AUTS2: variants seen among roughly 807,000 people sequenced by gnomAD.
AUTS2 encodes autism susceptibility gene 2 protein.
Under a neutral mutation model 112.4 loss-of-function variants are expected in AUTS2, and 17 were observed. The ratio of observed to expected loss-of-function variants is 0.15; its 90% CI spans 0.10 to 0.23. AUTS2 has a LOEUF of 0.23. AUTS2 is among the 10% of genes least tolerant of loss of function. The pLI is 1.00. For missense variants in AUTS2, 1,510 were observed against 1,701.6 expected, an observed-to-expected ratio of 0.89 and a Z score of 1.98; for synonymous variants, 751 against 702.7, an observed-to-expected ratio of 1.07 and a Z score of -1.09.
At chr7:69,976,830 C>T (rs1798079352) in intron 2 of AUTS2, among the ~76,000 whole-genome samples, 1 of 151,988 alleles carries the variant, frequency 6.6e-6, no homozygotes, top group African/African-American at 2.4e-5. Flanking sequence ...TTTACATATT[C>T]TGGATTTTAA....
chr7:70,446,658 G>T lies in AUTS2; in HGVS notation c.690+10877G>T, dbSNP rs139679192. Among the ~76,000 whole-genome samples, 200 of 152,260 alleles carry T rather than the reference G, an allele frequency of 1.3e-3. 1 individual carries two copies. The Middle Eastern group carries it at 0.014, about 10-fold the overall frequency. On this transcript the variant is annotated intron_variant, in intron 5 of 18. Transcript: ENST00000342771. Reference sequence around the variant, plus strand: ...CCTCTGCAGGCATCTGGGATTATTTGCCATAACCGAGTATGACATGACCGC... The same window carrying T: ...CCTCTGCAGGCATCTGGGATTATTTTCCATAACCGAGTATGACATGACCGC...
At chr7:70,394,080 G>A (rs1489072195) in intron 4 of AUTS2, among the ~76,000 whole-genome samples, 3 of 152,178 alleles carry the variant, frequency 2.0e-5, no homozygotes, top group Admixed American at 1.3e-4. Flanking sequence ...TTGGAAGGCT[G>A]GCTATTTTCT....
At chr7:69,909,381 A>C (rs1343834934) in intron 2 of AUTS2, among the ~76,000 whole-genome samples, 1 of 152,222 alleles carries the variant, frequency 6.6e-6, no homozygotes, top group Non-Finnish European at 1.5e-5. Context: ...ATAGCTGTTT[A>C]TAAAGATGCT....
At chr7:70,593,891 C>G (rs1803069057) in intron 5 of AUTS2, among the ~76,000 whole-genome samples, 1 of 152,188 alleles carries the variant, frequency 6.6e-6, no homozygotes, top group Admixed American at 6.5e-5. Flanking sequence ...AACCCTGGAC[C>G]CTGAGCAGGA....
intron 1 of AUTS2, among the ~76,000 whole-genome samples, chr7:69,786,711 C>G (rs894439598): frequency 6.6e-6 from 1 of 152,208 alleles, no homozygotes; most frequent in African/African-American, 2.4e-5. Context: ...GCCTCGGCCT[C>G]CCAAAGTGCT....
Position 70,771,659 on chromosome 7 carries a change from A to G in AUTS2, c.1830+15A>G, listed in dbSNP as rs1453643663. The stretch of plus-strand genomic sequence containing the variant: ...TTCAGCCGAAGGTAAGAAACCTCAC[A>G]GTGAAAACACACAGGCATGTGTCTA... On this transcript the variant is annotated intron_variant, in intron 11 of 18. Coordinates refer to ENST00000342771, the MANE Select transcript of AUTS2 (RefSeq NM_015570.4). 4 of 1,609,274 alleles carry G rather than the reference A, an allele frequency of 2.5e-6. No individual in the cohort carries two copies. Among genetic ancestry groups the G allele is most frequent in the Non-Finnish European group, 3.4e-6 (4 of 1,175,746 alleles).
At chr7:70,578,953 TC>T (rs1802302095) in intron 5 of AUTS2, among the ~76,000 whole-genome samples, 1 of 147,282 alleles carries the variant, frequency 6.8e-6, no homozygotes, top group Non-Finnish European at 1.5e-5. Flanking sequence ...AAACAGAGTC[TC>T]CCTCCTTTGC....
chr7:70,380,252 C>G (rs1793306540), intron 4 of AUTS2, among the ~76,000 whole-genome samples: 1 of 152,148 alleles, frequency 6.6e-6, no homozygotes, highest in African/African-American at 2.4e-5. Flanking sequence ...TGGGATCAAA[C>G]AAAGTTAGTG....
chr7:70,561,030 T>C (rs1052711376), intron 5 of AUTS2, among the ~76,000 whole-genome samples: 3 of 152,202 alleles, frequency 2.0e-5, no homozygotes, highest in Non-Finnish European at 4.4e-5. Flanking sequence ...AGTTTGTGTC[T>C]GTGAAAAAAA....
chr7:69,859,033 A>G (rs1002395051), intron 1 of AUTS2, among the ~76,000 whole-genome samples: 4 of 152,262 alleles, frequency 2.6e-5, no homozygotes, highest in Non-Finnish European at 4.4e-5. Flanking sequence ...CCATGCTCAC[A>G]GCATCTTCAT....
At chr7:69,697,147 G>A (rs1373431023) in intron 1 of AUTS2, among the ~76,000 whole-genome samples, 1 of 152,212 alleles carries the variant, frequency 6.6e-6, no homozygotes, top group African/African-American at 2.4e-5. Context: ...ATGCCTGGGT[G>A]GGGCCTTAAA....
At chr7:69,927,650 G>A (rs1291479409) in intron 2 of AUTS2, among the ~76,000 whole-genome samples, 3 of 152,220 alleles carry the variant, frequency 2.0e-5, no homozygotes, top group South Asian at 4.1e-4. Context: ...ATGCAGAGTG[G>A]CAAGGATTGT....
chr7:70,204,195 C>T (rs75283340), intron 4 of AUTS2, among the ~76,000 whole-genome samples: 6,821 of 152,164 alleles, frequency 0.045, 194 homozygotes, highest in East Asian at 0.13. Context: ...TTGCCTCATT[C>T]ATATTTTCAA....
intron 4 of AUTS2, among the ~76,000 whole-genome samples, chr7:70,189,670 T>C (rs1235605340): frequency 6.6e-6 from 1 of 152,224 alleles, no homozygotes; most frequent in Non-Finnish European, 1.5e-5. Flanking sequence ...AATGAGAATA[T>C]ATGTAAGGTG....
At chr7:70,248,483 A>T (rs963432525) in intron 4 of AUTS2, among the ~76,000 whole-genome samples, 5 of 151,946 alleles carry the variant, frequency 3.3e-5, no homozygotes, top group Admixed American at 2.0e-4. Flanking sequence ...TTTTTTTAAA[A>T]TTTTTTTCTC....
chr7:69,827,202 C>T (rs1791287837), intron 1 of AUTS2, among the ~76,000 whole-genome samples: 1 of 152,166 alleles, frequency 6.6e-6, no homozygotes, highest in Non-Finnish European at 1.5e-5. Flanking sequence ...CCTGCCTTTA[C>T]TCTCCTCTTT....
At chr7:70,011,713 C>T (rs1315398291) in intron 2 of AUTS2, among the ~76,000 whole-genome samples, 1 of 152,078 alleles carries the variant, frequency 6.6e-6, no homozygotes, top group Non-Finnish European at 1.5e-5. Flanking sequence ...AATCATCTTT[C>T]ATATTTCAGA....
rs10950206 is a variant in AUTS2 at position 70,563,357 on chromosome 7, G to C, written c.690+127576G>C. On this transcript the variant is annotated intron_variant, in intron 5 of 18. Transcript: ENST00000342771. ...TTTCCAAAGTACCAAGAGACTTTATGATGCTATGAGACATCTTGGAGTAAT... is the reference window on the plus strand; with the variant it reads ...TTTCCAAAGTACCAAGAGACTTTATCATGCTATGAGACATCTTGGAGTAAT... Among the ~76,000 whole-genome samples, 420 of 152,310 alleles carry C rather than the reference G, an allele frequency of 2.8e-3. 18 individuals carry two copies. In the East Asian group the frequency reaches 0.076, roughly 27 times the overall value.
At chr7:70,458,560 A>C (rs1796839686) in intron 5 of AUTS2, among the ~76,000 whole-genome samples, 1 of 152,134 alleles carries the variant, frequency 6.6e-6, no homozygotes, top group Non-Finnish European at 1.5e-5. Flanking sequence ...GGGCTTTCTT[A>C]GTAGGTGAAT....
Sources: allele counts gnomAD v4.1 joint callset (sites outside exome capture counted in the v4.1 genomes callset), GRCh38; gene constraint gnomAD v4.1.1; transcripts MANE v1.5; gene names NCBI Gene and HGNC (gene_info 2026-07-23, HGNC 2026-07-21).